The following SPMAP2L variants were observed in gnomAD, a reference collection of about 807,000 sequenced individuals.
SPMAP2L encodes the protein sperm microtubule associated protein 2 like, also known as sperm microtubule associated protein 2-like.
the SPMAP2L span, among the ~76,000 whole-genome samples, chr4:56,565,883 G>C: frequency 6.6e-6 from 1 of 152,160 alleles, no homozygotes; most frequent in Non-Finnish European, 1.5e-5. Flanking sequence ...GTTTTACTCT[G>C]AAATCTACTT....
At chr4:56,575,105 C>G in the SPMAP2L span, among the ~76,000 whole-genome samples, 11 of 151,832 alleles carry the variant, frequency 7.2e-5, no homozygotes, top group Non-Finnish European at 1.5e-4. Context: ...AAAAATTAGC[C>G]AGGCGTGGTG....
At chr4:56,543,544 T>G in the SPMAP2L span, among the ~76,000 whole-genome samples, 1 of 151,996 alleles carries the variant, frequency 6.6e-6, no homozygotes, top group Admixed American at 6.5e-5. Context: ...ATACAAAGAT[T>G]TGCCAGGTGT....
At chr4:56,557,119 C>T in the SPMAP2L span, among the ~76,000 whole-genome samples, 2 of 151,668 alleles carry the variant, frequency 1.3e-5, no homozygotes, top group African/African-American at 2.4e-5. Context: ...CATGGTGGCA[C>T]GTGCCTGTAG....
chr4:56,589,741 G>T, the SPMAP2L span, among the ~76,000 whole-genome samples: 12 of 151,388 alleles, frequency 7.9e-5, no homozygotes, highest in South Asian at 8.4e-4. Context: ...TTTGTGTGTG[G>T]GGGGGTTTTG....
the SPMAP2L span, chr4:56,594,053 G>A: frequency 5.6e-6 from 9 of 1,610,946 alleles, no homozygotes; most frequent in Admixed American, 1.2e-4. Context: ...TTTTGAGGAT[G>A]GCACACTTGG....
chr4:56,608,605 A>G, the SPMAP2L span, among the ~76,000 whole-genome samples: 2 of 152,134 alleles, frequency 1.3e-5, no homozygotes, highest in African/African-American at 4.8e-5. Context: ...CTGCTCCACA[A>G]ATTCTGGTGC....
At chr4:56,579,494 G>A in the SPMAP2L span, among the ~76,000 whole-genome samples, 1,036 of 152,118 alleles carry the variant, frequency 6.8e-3, 14 homozygotes, top group African/African-American at 0.024. Flanking sequence ...AAAGGGCAGG[G>A]CATGGTGGTT....
the SPMAP2L span, among the ~76,000 whole-genome samples, chr4:56,590,378 C>G: frequency 6.6e-6 from 1 of 152,172 alleles, no homozygotes; most frequent in East Asian, 1.9e-4. Flanking sequence ...CAAAATTATG[C>G]ATGGCTAAAA....
chr4:56,534,116 A>T, the SPMAP2L span, among the ~76,000 whole-genome samples: 1 of 152,144 alleles, frequency 6.6e-6, no homozygotes, highest in Non-Finnish European at 1.5e-5. Flanking sequence ...AAAATTTCTC[A>T]ATTGAATTGC....
chr4:56,530,822 C>CCGAGGATCCCGAGAAACA, the SPMAP2L span: 1 of 1,535,362 alleles, frequency 6.5e-7, no homozygotes, highest in Non-Finnish European at 8.7e-7. Context: ...CTTGAGGAGT[C>CCGAGGATCCCGAGAAACA]CGAGGATCCC....
chr4:56,613,895 G>A, the SPMAP2L span, among the ~76,000 whole-genome samples: 2 of 152,172 alleles, frequency 1.3e-5, no homozygotes, highest in Admixed American at 1.3e-4. Context: ...ACCTCTCTAG[G>A]CTTCAATTTT....
the SPMAP2L span, among the ~76,000 whole-genome samples, chr4:56,624,953 C>A: frequency 6.6e-6 from 1 of 152,188 alleles, no homozygotes; most frequent in Admixed American, 6.5e-5. Flanking sequence ...AATGGTAGAT[C>A]CACCAACAGC....
the SPMAP2L span, among the ~76,000 whole-genome samples, chr4:56,609,653 T>C: frequency 6.6e-6 from 1 of 152,084 alleles, no homozygotes; most frequent in Non-Finnish European, 1.5e-5. Context: ...TATTAAGAGG[T>C]GGGGCCATTA....
At chr4:56,534,075 T>A in the SPMAP2L span, among the ~76,000 whole-genome samples, 1 of 152,168 alleles carries the variant, frequency 6.6e-6, no homozygotes, top group East Asian at 1.9e-4. Context: ...CCCGTCCAGG[T>A]ACCATGATTT....
the SPMAP2L span, chr4:56,603,171 A>G: frequency 7.1e-7 from 1 of 1,414,324 alleles, no homozygotes; most frequent in South Asian, 1.3e-5. Flanking sequence ...TTCTCTGTTC[A>G]TCTTATTTCA....
At chr4:56,534,399 T>G in the SPMAP2L span, among the ~76,000 whole-genome samples, 1 of 152,238 alleles carries the variant, frequency 6.6e-6, no homozygotes, top group Non-Finnish European at 1.5e-5. Flanking sequence ...TCAGTTTCCT[T>G]TGCTGAATCC....
At chr4:56,534,244 G>A in the SPMAP2L span, among the ~76,000 whole-genome samples, 1 of 151,934 alleles carries the variant, frequency 6.6e-6, no homozygotes, top group Non-Finnish European at 1.5e-5. Context: ...CACAATGATC[G>A]CTGCCTTGTG....
the SPMAP2L span, among the ~76,000 whole-genome samples, chr4:56,586,128 G>T: frequency 6.6e-6 from 1 of 152,196 alleles, no homozygotes; most frequent in Admixed American, 6.5e-5. Context: ...TGTCTGAAAT[G>T]GTGGGGGGCT....
the SPMAP2L span, among the ~76,000 whole-genome samples, chr4:56,579,629 C>G: frequency 1.3e-5 from 2 of 151,934 alleles, no homozygotes; most frequent in Admixed American, 6.6e-5. Context: ...AATTAATTGG[C>G]CATGGTGGCA....
Sources: allele counts gnomAD v4.1 joint callset (sites outside exome capture counted in the v4.1 genomes callset), GRCh38; gene constraint gnomAD v4.1.1; transcripts MANE v1.5; gene names NCBI Gene and HGNC (gene_info 2026-07-23, HGNC 2026-07-21).